DYNC2I2: variants seen among roughly 807,000 people sequenced by gnomAD.
DYNC2I2 encodes the protein dynein 2 intermediate chain 2, also known as cytoplasmic dynein 2 intermediate chain 2.
Under a neutral mutation model 52.0 loss-of-function variants are expected in DYNC2I2, and 39 were observed. The observed-to-expected ratio is 0.75, with a 90% CI of 0.58 to 0.98. The LOEUF is 0.98. Among genes scored for constraint, DYNC2I2 ranks in the 50% least tolerant of loss-of-function variants. The pLI is 0.00. For missense variants in DYNC2I2, 743 were observed against 728.4 expected (o/e 1.02, Z -0.23); for synonymous variants, 359 against 321.1 (o/e 1.12, Z -1.26).
At chr9:128,681,888 C>T in the DYNC2I2 span, among the ~76,000 whole-genome samples, 5 of 152,212 alleles carry the variant, frequency 3.3e-5, no homozygotes, top group South Asian at 1.0e-3. Context: ...GCCTGGCCAA[C>T]GTGGTGAAAA....
Position 128,656,638 on chromosome 9 carries a change from G to T in DYNC2I2, c.89C>A (p.Pro30Gln). 3 of 1,502,208 alleles carry T rather than the reference G, an allele frequency of 2.0e-6. No individual in the cohort carries two copies. The highest frequency in any genetic ancestry group is 1.8e-6 in the Non-Finnish European group (2 of 1,133,570). 93.1% of individuals were successfully genotyped at this position (1,502,208 alleles called of 1,614,324 possible). A position where few individuals can be genotyped will look rare whatever the true frequency, so the allele number is the denominator to read the frequency against. ...CAGCGGCCCTGGCCGCCCCGGCCCCGGGCCGCTCGCAACCCCGACTGTCGC... is the reference window on the plus strand; with the variant it reads ...CAGCGGCCCTGGCCGCCCCGGCCCCTGGCCGCTCGCAACCCCGACTGTCGC... The part of the protein sequence containing the change: ...ALATVGVASG[P>Q]GPGRPGPLQD... Residue 30 changes from proline to glutamine, a missense_variant, in exon 1 of 9, where the codon CCG becomes CAG. Transcript: ENST00000372715.
the DYNC2I2 span, among the ~76,000 whole-genome samples, chr9:128,667,428 C>A: frequency 1.3e-5 from 2 of 150,140 alleles, no homozygotes; most frequent in Non-Finnish European, 3.0e-5. Context: ...CTGGTTCAAG[C>A]GATTCTCCTG....
chr9:128,647,320 C>T (rs1227059897), intron 1 of DYNC2I2, among the ~76,000 whole-genome samples: 2 of 152,122 alleles, frequency 1.3e-5, no homozygotes, highest in African/African-American at 2.4e-5. Flanking sequence ...TCCAATAAGC[C>T]GCCCCCGGGG....
intron 1 of DYNC2I2, among the ~76,000 whole-genome samples, chr9:128,645,270 C>T (rs1237046372): frequency 6.6e-6 from 1 of 151,810 alleles, no homozygotes; most frequent in African/African-American, 2.4e-5. Context: ...CCAAGGCGGG[C>T]GGATCGCCTG....
intron 5 of DYNC2I2, 148 bp from the exon 6 acceptor site, chr9:128,635,407 G>T: frequency 1.9e-6 from 2 of 1,059,940 alleles, no homozygotes; most frequent in Non-Finnish European, 2.7e-6. Context: ...GGGCAGGCCT[G>T]GAGGGTTCCC....
chr9:128,666,100 G>C, the DYNC2I2 span, among the ~76,000 whole-genome samples: 1 of 151,676 alleles, frequency 6.6e-6, no homozygotes, highest in Non-Finnish European at 1.5e-5. Context: ...AAATGTGTTG[G>C]ATCAATTGAC....
upstream of DYNC2I2, among the ~76,000 whole-genome samples, chr9:128,659,539 TGTG>T (rs1860894321): frequency 6.8e-6 from 1 of 147,430 alleles, no homozygotes; most frequent in Non-Finnish European, 1.5e-5. Flanking sequence ...TAAGGTCTGG[TGTG>T]GTGGCTCATG....
At chr9:128,641,972 T>TACACAC (rs1190277603) in intron 1 of DYNC2I2, among the ~76,000 whole-genome samples, 96 of 141,042 alleles carry the variant, frequency 6.8e-4, no homozygotes, top group African/African-American at 2.5e-3. Flanking sequence ...TTCATTTATA[T>TACACAC]ACATACACAC....
chr9:128,665,625 C>T, the DYNC2I2 span, among the ~76,000 whole-genome samples: 32 of 151,714 alleles, frequency 2.1e-4, no homozygotes, highest in Non-Finnish European at 2.2e-4. Flanking sequence ...CAAAAATTAG[C>T]TAGGCATGAT....
intron 5 of DYNC2I2, 75 bp downstream of exon 5, chr9:128,635,583 C>A: frequency 7.3e-7 from 1 of 1,364,870 alleles, no homozygotes; most frequent in Non-Finnish European, 1.0e-6. Context: ...GCCCGGGTGA[C>A]CTTCCTAGGA....
chr9:128,634,018 C>T, intron 8 of DYNC2I2, 36 bp from the exon 9 acceptor site: 1 of 1,607,366 alleles, frequency 6.2e-7, no homozygotes, highest in South Asian at 1.1e-5. Context: ...GTAAGAGAAA[C>T]TCTAGAGACC....
chr9:128,645,490 G>A (rs1180799551), intron 1 of DYNC2I2, among the ~76,000 whole-genome samples: 22 of 150,682 alleles, frequency 1.5e-4, no homozygotes, highest in African/African-American at 4.4e-4. Context: ...GGTGGCGGGC[G>A]CCTGTAGTCC....
chr9:128,641,045 G>A (rs1221154361), intron 1 of DYNC2I2, 106 bp from the exon 2 acceptor site: 43 of 1,449,126 alleles, frequency 3.0e-5, no homozygotes, highest in Non-Finnish European at 3.7e-5. Context: ...GCTGCTGTGG[G>A]TCTCAGGCTA....
intron 5 of DYNC2I2, 156 bp from the exon 6 acceptor site, chr9:128,635,415 C>T (rs1860379038): frequency 7.3e-6 from 7 of 963,808 alleles, no homozygotes; most frequent in East Asian, 2.6e-5. Flanking sequence ...CTGGAGGGTT[C>T]CCAGGGCCCT....
At chr9:128,680,351 G>A in the DYNC2I2 span, among the ~76,000 whole-genome samples, 1 of 150,170 alleles carries the variant, frequency 6.7e-6, no homozygotes, top group East Asian at 2.0e-4. Flanking sequence ...ATGAGCCACT[G>A]TACCTGGTCA....
At chr9:128,684,365 C>A in the DYNC2I2 span, among the ~76,000 whole-genome samples, 1 of 152,118 alleles carries the variant, frequency 6.6e-6, no homozygotes, top group African/African-American at 2.4e-5. Flanking sequence ...GGTGGTTCTA[C>A]CTCAGTATCT....
chr9:128,666,117 T>C, the DYNC2I2 span, among the ~76,000 whole-genome samples: 7 of 151,666 alleles, frequency 4.6e-5, no homozygotes, highest in African/African-American at 1.7e-4. Flanking sequence ...TGACAAATAT[T>C]TTGGAAAAAT....
rs1167135000 is a variant in DYNC2I2 at position 128,633,940 on chromosome 9, G to C, written c.1415C>G (p.Pro472Arg). Reference protein sequence around the residue: ...LFDLQKSSQKPTVLIKQTQDE... With the variant: ...LFDLQKSSQKRTVLIKQTQDE... Reference sequence around the variant, plus strand: ...CTGGGTTTGCTTGATCAAAACTGTGGGTTTCTGGGAGCTTTTCTGGAGATC... The same window carrying C: ...CTGGGTTTGCTTGATCAAAACTGTGCGTTTCTGGGAGCTTTTCTGGAGATC... The change falls in exon 9 of 9, where the codon CCC becomes CGC. Residue 472 changes from proline to arginine, a missense_variant. Physicochemically the swap from Pro to Arg is moderately radical, Grantham distance 103. Coordinates refer to ENST00000372715, the MANE Select transcript of DYNC2I2 (RefSeq NM_052844.4). The C allele has an allele frequency of 1.9e-6, 3 of 1,613,026 alleles. No homozygotes were observed. The highest frequency in any genetic ancestry group is 2.5e-6 in the Non-Finnish European group (3 of 1,180,038).
At chr9:128,656,113 A>T (rs1279306358) in intron 1 of DYNC2I2, among the ~76,000 whole-genome samples, 1 of 141,238 alleles carries the variant, frequency 7.1e-6, no homozygotes, top group African/African-American at 2.6e-5. Flanking sequence ...CTGGATGCGC[A>T]GGTGGGAGGA....
Sources: allele counts gnomAD v4.1 joint callset (sites outside exome capture counted in the v4.1 genomes callset), GRCh38; gene constraint gnomAD v4.1.1; transcripts MANE v1.5; gene names NCBI Gene and HGNC (gene_info 2026-07-23, HGNC 2026-07-21).